Variants in NCALD observed in about 807,000 individuals in gnomAD.
NCALD encodes neurocalcin-delta.
Under a neutral mutation model 18.6 loss-of-function variants are expected in NCALD, and 10 were observed. That is an observed-to-expected ratio of 0.54 (90% CI 0.33 to 0.91). The LOEUF is 0.91. Ranked by LOEUF, NCALD falls within the 40% of genes least tolerant of loss-of-function variation. NCALD has a pLI of 0.03. For synonymous variants in NCALD, 88 were observed against 87.4 expected, an observed-to-expected ratio of 1.01 and a Z score of -0.04; for missense variants, 184 against 247.6, an observed-to-expected ratio of 0.74 and a Z score of 1.72.
intron 2 of NCALD, among the ~76,000 whole-genome samples, chr8:101,990,167 T>C (rs1820985755): frequency 2.6e-5 from 4 of 152,188 alleles, no homozygotes. Context: ...ACCAATTATA[T>C]GCCAGACACT....
At chr8:102,067,841 G>A (rs1340881814) in intron 1 of NCALD, among the ~76,000 whole-genome samples, 9 of 152,166 alleles carry the variant, frequency 5.9e-5, no homozygotes, top group African/African-American at 1.2e-4. Context: ...TTCCCCTGTC[G>A]TATTCTCCCA....
intron 2 of NCALD, among the ~76,000 whole-genome samples, chr8:102,004,702 A>G (rs1479740610): frequency 1.3e-5 from 2 of 152,126 alleles, no homozygotes; most frequent in African/African-American, 4.8e-5. Flanking sequence ...ATGGAACAGA[A>G]CAGAGCCCTC....
chr8:101,778,221 G>A (rs1208841793), intron 1 of NCALD, among the ~76,000 whole-genome samples: 2 of 152,224 alleles, frequency 1.3e-5, no homozygotes, highest in African/African-American at 2.4e-5. Context: ...CATTCAGGAA[G>A]AGAAGTGTGG....
intron 1 of NCALD, among the ~76,000 whole-genome samples, chr8:102,082,248 T>TTTTTTTTTTTTTTTTTTTTTTTTTTTTG: frequency 6.9e-6 from 1 of 145,102 alleles, no homozygotes; most frequent in African/African-American, 2.7e-5. Flanking sequence ...TTTTTTTTTT[T>TTTTTTTTTTTTTTTTTTTTTTTTTTTTG]TTGAGAGGGA....
chr8:101,899,884 A>T (rs487863), intron 3 of NCALD, among the ~76,000 whole-genome samples: 41,022 of 151,742 alleles, frequency 0.27, 5,925 homozygotes, highest in East Asian at 0.38. Context: ...CAGCTTCATA[A>T]AATGAATTGG....
intron 2 of NCALD, among the ~76,000 whole-genome samples, chr8:101,709,195 C>A (rs914513466): frequency 6.6e-6 from 1 of 152,166 alleles, no homozygotes; most frequent in South Asian, 2.1e-4. Context: ...ACTTTGGGTA[C>A]GCCCTACGTA....
chr8:101,805,105 A>T (rs1461345477), intron 4 of NCALD, among the ~76,000 whole-genome samples: 1 of 152,196 alleles, frequency 6.6e-6, no homozygotes, highest in Non-Finnish European at 1.5e-5. Flanking sequence ...AATCATATAT[A>T]TAAAGTCCCT....
chr8:101,934,856 G>A (rs1818703467), intron 2 of NCALD, among the ~76,000 whole-genome samples: 1 of 152,096 alleles, frequency 6.6e-6, no homozygotes, highest in Admixed American at 6.6e-5. Flanking sequence ...GAAGAGATAA[G>A]ATTTAAATAC....
At chr8:102,100,851 T>C (rs1266309704) in intron 1 of NCALD, among the ~76,000 whole-genome samples, 36 of 152,208 alleles carry the variant, frequency 2.4e-4, no homozygotes, top group Non-Finnish European at 1.5e-5. Flanking sequence ...CCTAGAGTAG[T>C]CAAATTCATA....
chr8:101,875,344 T>C (rs1387927630), intron 4 of NCALD, among the ~76,000 whole-genome samples: 1 of 152,230 alleles, frequency 6.6e-6, no homozygotes, highest in African/African-American at 2.4e-5. Context: ...TAGCTCAGGC[T>C]GTCCAGCCAA....
At chr8:101,820,681 A>G (rs1813685311) in intron 4 of NCALD, among the ~76,000 whole-genome samples, 1 of 152,076 alleles carries the variant, frequency 6.6e-6, no homozygotes, top group South Asian at 2.1e-4. Context: ...GATAGGCTGT[A>G]AAAAAAATTC....
At chr8:102,049,697 G>A (rs764604279) in intron 1 of NCALD, among the ~76,000 whole-genome samples, 2 of 152,148 alleles carry the variant, frequency 1.3e-5, no homozygotes, top group South Asian at 4.1e-4. Flanking sequence ...ATCCTCACCA[G>A]CATTTGGTTG....
intron 2 of NCALD, among the ~76,000 whole-genome samples, chr8:102,004,346 C>T (rs370756271): frequency 2.1e-5 from 3 of 146,000 alleles, no homozygotes; most frequent in Admixed American, 6.8e-5. Context: ...CTCTTCAAGG[C>T]GAACTACAAA....
chr8:101,985,987 T>G (rs890299268), intron 2 of NCALD, among the ~76,000 whole-genome samples: 3 of 152,186 alleles, frequency 2.0e-5, no homozygotes, highest in Non-Finnish European at 4.4e-5. Flanking sequence ...ATCATTCCTT[T>G]TTGTTTACTG....
intron 1 of NCALD, among the ~76,000 whole-genome samples, chr8:102,038,574 A>G (rs1274991775): frequency 6.6e-6 from 1 of 152,168 alleles, no homozygotes; most frequent in Non-Finnish European, 1.5e-5. Context: ...CCTAAGTGGC[A>G]GGGCTCCAGC....
chr8:101,834,215 T>C (rs1324453333), intron 4 of NCALD, among the ~76,000 whole-genome samples: 1 of 152,178 alleles, frequency 6.6e-6, no homozygotes, highest in Non-Finnish European at 1.5e-5. Context: ...GCAAGGTACA[T>C]CAGTCGATGC....
At chr8:102,041,604 A>G (rs915483150) in intron 1 of NCALD, among the ~76,000 whole-genome samples, 3 of 152,236 alleles carry the variant, frequency 2.0e-5, no homozygotes. Context: ...AGGCCTAGAG[A>G]GTAGGAGGCT....
intron 4 of NCALD, among the ~76,000 whole-genome samples, chr8:101,833,623 T>TG (rs1376762927): frequency 2.7e-5 from 4 of 148,704 alleles, no homozygotes; most frequent in Non-Finnish European, 6.0e-5. Flanking sequence ...TTTTTTTTTT[T>TG]TTTTTTTTTT....
At chr8:101,805,486 T>C (rs1157134006) in intron 4 of NCALD, among the ~76,000 whole-genome samples, 2 of 152,226 alleles carry the variant, frequency 1.3e-5, no homozygotes, top group African/African-American at 4.8e-5. Context: ...AGGGCTCGTA[T>C]TGCCCTCAAT....
Sources: gnomAD v4.1 joint callset for allele counts (sites outside exome capture counted in the v4.1 genomes callset) on GRCh38, gnomAD v4.1.1 for gene constraint, MANE v1.5 for transcripts, NCBI Gene and HGNC (gene_info 2026-07-23, HGNC 2026-07-21) for gene names.